The following CHRM3 variants were observed in gnomAD, a reference collection of about 807,000 sequenced individuals.
CHRM3 encodes muscarinic acetylcholine receptor M3.
Under a neutral mutation model 41.8 loss-of-function variants are expected in CHRM3, and 11 were observed. The observed-to-expected ratio is 0.26, with a 90% confidence interval of 0.17 to 0.44. The LOEUF is 0.44. Ranked by LOEUF, CHRM3 falls within the 20% of genes least tolerant of loss-of-function variation. The pLI, the probability that CHRM3 is intolerant of heterozygous loss-of-function variation, is 1.00. For synonymous variants in CHRM3, 297 were observed against 301.4 expected, an observed-to-expected ratio of 0.99 and a Z score of 0.15; for missense variants, 571 against 745.4, an observed-to-expected ratio of 0.77 and a Z score of 2.72.
chr1:239,503,074 A>G (rs1242253540), intron 2 of CHRM3, among the ~76,000 whole-genome samples: 1 of 152,180 alleles, frequency 6.6e-6, no homozygotes, highest in Non-Finnish European at 1.5e-5. Flanking sequence ...ATCAGACACA[A>G]GAAAGAAATA....
At chr1:239,746,668 A>G (rs1052715565) in intron 5 of CHRM3, among the ~76,000 whole-genome samples, 5 of 152,292 alleles carry the variant, frequency 3.3e-5, no homozygotes, top group Admixed American at 6.5e-5. Flanking sequence ...ATCAAAAAAT[A>G]TATTTAAATA....
intron 1 of CHRM3, among the ~76,000 whole-genome samples, chr1:239,470,782 T>C (rs946370523): frequency 3.3e-5 from 5 of 152,196 alleles, no homozygotes; most frequent in Admixed American, 3.3e-4. Flanking sequence ...GTTTTGTGTT[T>C]TTATTTTGCC....
At chr1:239,550,150 C>T (rs773595195) in intron 3 of CHRM3, among the ~76,000 whole-genome samples, 5 of 152,084 alleles carry the variant, frequency 3.3e-5, no homozygotes, top group Admixed American at 2.6e-4. Context: ...GCCTTACCTG[C>T]GTGCCATGAT....
At chr1:239,887,055 G>A (rs1453766604) in intron 6 of CHRM3, among the ~76,000 whole-genome samples, 1 of 152,064 alleles carries the variant, frequency 6.6e-6, no homozygotes, top group Admixed American at 6.5e-5. Flanking sequence ...CATGTTCCTC[G>A]TGTTTCCAGC....
rs1661584135 is a variant in CHRM3, at chr1:239,417,511, TAGAC to T, written c.-521+30287_-521+30290del. Among the ~76,000 whole-genome samples the T allele has an allele frequency of 7.3e-5, 11 of 151,574 alleles. No homozygotes were observed. The South Asian group carries it at 2.3e-3, about 32-fold the overall frequency. On this transcript the variant is annotated intron_variant, in intron 1 of 6. Transcript: ENST00000676153. ...GTGTGTGGTGAAATGTTTATTTTCCTAGACAGTCACCATAAATTATGTTTTAAAG... is the reference window on the plus strand; with the variant it reads ...GTGTGTGGTGAAATGTTTATTTTCCTAGTCACCATAAATTATGTTTTAAAG...
intron 5 of CHRM3, among the ~76,000 whole-genome samples, chr1:239,692,780 T>A (rs1306422787): frequency 1.3e-5 from 2 of 152,194 alleles, no homozygotes; most frequent in African/African-American, 2.4e-5. Context: ...GTAAAGGCTT[T>A]ACACTGGAGT....
At chr1:239,569,987 G>A (rs1227909235) in intron 3 of CHRM3, among the ~76,000 whole-genome samples, 1 of 152,094 alleles carries the variant, frequency 6.6e-6, no homozygotes, top group East Asian at 1.9e-4. Context: ...AAATCAAAAG[G>A]GATATTTATG....
chr1:239,890,920 C>A (rs1678501248), intron 6 of CHRM3, among the ~76,000 whole-genome samples: 1 of 152,136 alleles, frequency 6.6e-6, no homozygotes, highest in Non-Finnish European at 1.5e-5. Context: ...ATAATATTTA[C>A]CACAGATAGG....
chr1:239,796,371 A>T (rs1458978202), intron 5 of CHRM3, among the ~76,000 whole-genome samples: 2 of 152,166 alleles, frequency 1.3e-5, no homozygotes, highest in African/African-American at 4.8e-5. Flanking sequence ...ATCACAGCAT[A>T]TTTTAAGAAA....
chr1:239,563,291 C>T (rs1280407584), intron 3 of CHRM3, among the ~76,000 whole-genome samples: 1 of 151,868 alleles, frequency 6.6e-6, no homozygotes, highest in African/African-American at 2.4e-5. Flanking sequence ...AGGAGATCAT[C>T]ACAGAAATGG....
chr1:239,721,504 T>C (rs1040017713), intron 5 of CHRM3, among the ~76,000 whole-genome samples: 1 of 151,926 alleles, frequency 6.6e-6, no homozygotes, highest in African/African-American at 2.4e-5. Context: ...TCATGCATGA[T>C]ACAAATGCAT....
intron 5 of CHRM3, among the ~76,000 whole-genome samples, chr1:239,682,500 G>A (rs1658667362): frequency 6.6e-6 from 1 of 152,058 alleles, no homozygotes; most frequent in Non-Finnish European, 1.5e-5. Context: ...TACTGGGAGA[G>A]AAATTAATAG....
chr1:239,682,929 T>C (rs1305002048), intron 5 of CHRM3, among the ~76,000 whole-genome samples: 1 of 152,174 alleles, frequency 6.6e-6, no homozygotes, highest in Non-Finnish European at 1.5e-5. Context: ...GTGTACATTG[T>C]ATAAAAATTT....
intron 2 of CHRM3, among the ~76,000 whole-genome samples, chr1:239,515,331 A>C (rs1331126393): frequency 6.6e-6 from 1 of 151,916 alleles, no homozygotes; most frequent in Non-Finnish European, 1.5e-5. Context: ...AAATTATATT[A>C]GTCAACCAGA....
At chr1:239,441,344 G>A (rs1030004758) in intron 1 of CHRM3, among the ~76,000 whole-genome samples, 1 of 152,150 alleles carries the variant, frequency 6.6e-6, no homozygotes, top group Non-Finnish European at 1.5e-5. Context: ...TTCTAAGTAA[G>A]GTCTTAGACT....
At chr1:239,799,133 T>C (rs666979) in intron 5 of CHRM3, among the ~76,000 whole-genome samples, 1 of 151,744 alleles carries the variant, frequency 6.6e-6, no homozygotes, top group African/African-American at 2.4e-5. Context: ...GAAGAGAGAA[T>C]GTTAAAAAGA....
intron 2 of CHRM3, among the ~76,000 whole-genome samples, chr1:239,537,133 C>G (rs1030621784): frequency 2.0e-5 from 3 of 152,150 alleles, no homozygotes; most frequent in African/African-American, 7.2e-5. Context: ...ATCCTCCAGT[C>G]TAGACGTCTC....
chr1:239,595,295 G>A (rs557109482), intron 3 of CHRM3, among the ~76,000 whole-genome samples: 2 of 152,080 alleles, frequency 1.3e-5, no homozygotes, highest in Non-Finnish European at 1.5e-5. Context: ...TTTATATCAC[G>A]GACTTGAGCA....
intron 6 of CHRM3, among the ~76,000 whole-genome samples, chr1:239,828,012 C>A (rs1055444556): frequency 4.6e-5 from 7 of 152,102 alleles, no homozygotes; most frequent in Admixed American, 6.5e-5. Context: ...ATTATTCATT[C>A]CTCATTCAAC....
Sources: gnomAD v4.1 joint callset for allele counts (sites outside exome capture counted in the v4.1 genomes callset) on GRCh38, gnomAD v4.1.1 for gene constraint, MANE v1.5 for transcripts, NCBI Gene and HGNC (gene_info 2026-07-23, HGNC 2026-07-21) for gene names.